Variants in SKAP1 observed in about 807,000 individuals in gnomAD.
SKAP1 encodes the protein src kinase-associated phosphoprotein 1.
In SKAP1, 44 loss-of-function variants were observed where a neutral mutation model predicts 58.5. The ratio of observed to expected loss-of-function variants is 0.75; its 90% confidence interval spans 0.59 to 0.97. The LOEUF (loss-of-function observed/expected upper bound fraction) is 0.97. Among genes scored for constraint, SKAP1 ranks in the 50% least tolerant of loss-of-function variants. The probability of loss-of-function intolerance (pLI) is 0.00; values close to 1 mark genes in which losing one functional copy is unlikely to be tolerated. For missense variants in SKAP1, 390 were observed against 435.2 expected (o/e 0.90, Z 0.92); for synonymous variants, 127 against 149.7 (o/e 0.85, Z 1.11).
chr17:48,319,313 C>T (rs566333778), intron 4 of SKAP1, among the ~76,000 whole-genome samples: 46 of 152,214 alleles, frequency 3.0e-4, no homozygotes, highest in African/African-American at 1.1e-3. Flanking sequence ...GAGCCTCTAG[C>T]ATGACATTTA....
At chr17:48,226,535 G>A (rs2065070726) in intron 4 of SKAP1, among the ~76,000 whole-genome samples, 1 of 152,086 alleles carries the variant, frequency 6.6e-6, no homozygotes. Context: ...ACTACATTAT[G>A]TTCTTGGAGG....
At chr17:48,197,781 A>G (rs1242245288) in intron 4 of SKAP1, among the ~76,000 whole-genome samples, 1 of 152,368 alleles carries the variant, frequency 6.6e-6, no homozygotes, top group South Asian at 2.1e-4. Context: ...ATGCCAAGCC[A>G]CAAGGTAACT....
At chr17:48,262,499 A>G (rs1282830316) in intron 4 of SKAP1, among the ~76,000 whole-genome samples, 1 of 152,238 alleles carries the variant, frequency 6.6e-6, no homozygotes, top group Non-Finnish European at 1.5e-5. Context: ...GTTTTGGGCA[A>G]TGTGACATTA....
chr17:48,181,420 G>A (rs1479064837), intron 8 of SKAP1, among the ~76,000 whole-genome samples: 1 of 151,954 alleles, frequency 6.6e-6, no homozygotes, highest in Non-Finnish European at 1.5e-5. Context: ...CTGTAGTCTC[G>A]CCATCAATGT....
chr17:48,212,496 A>G (rs1382640152), intron 4 of SKAP1, among the ~76,000 whole-genome samples: 3 of 152,196 alleles, frequency 2.0e-5, no homozygotes, highest in Non-Finnish European at 4.4e-5. Context: ...AGTGCTCACA[A>G]AAAGTAGGAG....
At chr17:48,288,927 G>A (rs1235275014) in intron 4 of SKAP1, among the ~76,000 whole-genome samples, 5 of 152,142 alleles carry the variant, frequency 3.3e-5, no homozygotes, top group Non-Finnish European at 4.4e-5. Flanking sequence ...CATGAATAGT[G>A]TGGCTTCAGG....
chr17:48,137,911 A>G (rs930584784), intron 11 of SKAP1, among the ~76,000 whole-genome samples: 1 of 152,214 alleles, frequency 6.6e-6, no homozygotes, highest in African/African-American at 2.4e-5. Context: ...TTGTGAGAGT[A>G]GGGATAATAT....
intron 2 of SKAP1, among the ~76,000 whole-genome samples, chr17:48,367,802 C>A (rs757109954): frequency 1.3e-5 from 2 of 151,260 alleles, no homozygotes; most frequent in Non-Finnish European, 2.9e-5. Context: ...CTAGTCCTAG[C>A]TACTCGGGAG....
intron 4 of SKAP1, among the ~76,000 whole-genome samples, chr17:48,302,891 A>G (rs902752503): frequency 1.3e-5 from 2 of 152,228 alleles, no homozygotes. Flanking sequence ...TTTCCATATA[A>G]GACTGGTAGT....
At chr17:48,146,158 C>T (rs1022167541) in intron 11 of SKAP1, among the ~76,000 whole-genome samples, 4 of 152,008 alleles carry the variant, frequency 2.6e-5, no homozygotes, top group Non-Finnish European at 4.4e-5. Context: ...GGGTGGGTAT[C>T]CTCGCGCTCC....
intron 4 of SKAP1, among the ~76,000 whole-genome samples, chr17:48,330,167 G>A (rs1466258934): frequency 1.3e-5 from 2 of 151,996 alleles, no homozygotes; most frequent in East Asian, 1.9e-4. Context: ...GCTTTCTCTT[G>A]TACTCCTAGA....
intron 2 of SKAP1, among the ~76,000 whole-genome samples, chr17:48,371,442 A>C (rs117569350): frequency 0.028 from 4,268 of 152,142 alleles, 102 homozygotes; most frequent in Non-Finnish European, 0.041. Context: ...TAAAGTACTC[A>C]GAGCTTTATT....
At chr17:48,142,419 G>T (rs541383694) in intron 11 of SKAP1, among the ~76,000 whole-genome samples, 76 of 152,266 alleles carry the variant, frequency 5.0e-4, no homozygotes, top group African/African-American at 1.4e-3. Context: ...CCAAGATCAT[G>T]CCATTGCACT....
intron 4 of SKAP1, among the ~76,000 whole-genome samples, chr17:48,274,611 G>T (rs1294505438): frequency 6.6e-6 from 1 of 151,904 alleles, no homozygotes; most frequent in Non-Finnish European, 1.5e-5. Context: ...CAGAAGAATC[G>T]CTTGAACCCT....
At chr17:48,339,784 T>C (rs1301129857) in intron 4 of SKAP1, among the ~76,000 whole-genome samples, 2 of 152,216 alleles carry the variant, frequency 1.3e-5, no homozygotes, top group African/African-American at 4.8e-5. Flanking sequence ...TTATTTACTC[T>C]GTGAAACAAT....
At chr17:48,216,972 G>T (rs1456929228) in intron 4 of SKAP1, among the ~76,000 whole-genome samples, 1 of 152,136 alleles carries the variant, frequency 6.6e-6, no homozygotes, top group Non-Finnish European at 1.5e-5. Context: ...CGTTTCATGT[G>T]TTGAGAGTGA....
At chr17:48,229,831 T>C (rs1262387787) in intron 4 of SKAP1, among the ~76,000 whole-genome samples, 1 of 152,148 alleles carries the variant, frequency 6.6e-6, no homozygotes, top group African/African-American at 2.4e-5. Flanking sequence ...TGAAATCTAA[T>C]AGCAACTCTT....
At chr17:48,210,771 A>G (rs950738309) in intron 4 of SKAP1, among the ~76,000 whole-genome samples, 17 of 152,218 alleles carry the variant, frequency 1.1e-4, no homozygotes, top group African/African-American at 4.1e-4. Flanking sequence ...CTCTGGCTTT[A>G]ATCGTTTCCA....
chr17:48,255,205 A>G (rs1367432116), intron 4 of SKAP1, among the ~76,000 whole-genome samples: 2 of 152,036 alleles, frequency 1.3e-5, no homozygotes, highest in African/African-American at 4.8e-5. Flanking sequence ...ACAGAATATA[A>G]TTAAAATTCA....
Sources: allele counts gnomAD v4.1 joint callset (sites outside exome capture counted in the v4.1 genomes callset), GRCh38; gene constraint gnomAD v4.1.1; transcripts MANE v1.5; gene names NCBI Gene and HGNC (gene_info 2026-07-23, HGNC 2026-07-21).